The following ZNF292 variants were observed in gnomAD, a reference collection of about 807,000 sequenced individuals.
ZNF292 encodes 16 zinc-finger domain protein.
ZNF292 carries 26 observed loss-of-function variants against 217.9 expected under a neutral mutation model. The observed-to-expected ratio is 0.12, with a 90% CI of 0.09 to 0.17. The LOEUF is 0.17. ZNF292 is among the 10% of genes least tolerant of loss of function. The probability of loss-of-function intolerance (pLI) is 1.00; values close to 1 mark genes in which losing one functional copy is unlikely to be tolerated. For missense variants in ZNF292, 2,904 were observed against 3,175.2 expected (o/e 0.91, Z 2.05); for synonymous variants, 1,257 against 1,124.1 (o/e 1.12, Z -2.37).
At position 87,218,372 on chromosome 6, in the gene ZNF292, C is replaced by A. The variant is rs186346001; in HGVS notation, c.403-224C>A. Among the ~76,000 whole-genome samples, 269 of 152,174 alleles carry A rather than the reference C, an allele frequency of 1.8e-3. 1 individual carries two copies. The highest frequency in any genetic ancestry group is 2.2e-3 in the Non-Finnish European group (150 of 67,978). On this transcript the variant is annotated intron_variant, in intron 3 of 7. Transcript: ENST00000369577. ...GATTTTGGGGAAGAAAAAATACAGA[C>A]TTACTTCTGTAAATACATTATATTT...
chr6:87,189,924 C>T (rs1353275195), intron 1 of ZNF292, among the ~76,000 whole-genome samples: 1 of 152,150 alleles, frequency 6.6e-6, no homozygotes, highest in Non-Finnish European at 1.5e-5. Flanking sequence ...TTTTTCTTCT[C>T]CCACATTATA....
Position 87,255,153 on chromosome 6 carries a change from T to TA in ZNF292, c.1527dup (p.Asp510ArgfsTer4). The TA allele has an allele frequency of 6.2e-7, 1 of 1,613,764 alleles. No homozygotes were observed. Among genetic ancestry groups the TA allele is most frequent in the Non-Finnish European group, 8.5e-7 (1 of 1,179,824 alleles). On this transcript the variant is annotated frameshift_variant, in exon 8 of 8. Transcript: ENST00000369577. LOFTEE classifies it high-confidence loss of function. ...GAGTTGGTGCTAATTCTGGCCTTCT[T>TA]AAAGACATTGGTGATGAAAAGCAGA... is the stretch of plus-strand genomic sequence containing the variant.
In ZNF292 at chr6:87,259,625, C is replaced by G. The variant is rs759606888; in HGVS notation, c.5996C>G (p.Ala1999Gly). The G allele has an allele frequency of 6.3e-7, 1 of 1,582,098 alleles. No individual in the cohort carries two copies. The highest frequency in any genetic ancestry group is 1.3e-5 in the African/African-American group (1 of 74,078). ...AAATCTCAGAGTGAAAATGTGCCGG[C>G]CTCACGAAGTACACAAGTGAAAAAA... is the stretch of plus-strand genomic sequence containing the variant. ...GRKSQSENVP[A>G]SRSTQVKKQL... Residue 1999 changes from alanine to glycine, a missense_variant, in exon 8 of 8, where the codon GCC becomes GGC. Coordinates refer to ENST00000369577, the MANE Select transcript of ZNF292 (RefSeq NM_015021.3).
rs1198608391 is a variant in ZNF292 at position 87,261,397 on chromosome 6, G to A, written c.7768G>A (p.Gly2590Arg). The change falls in exon 8 of 8, where the codon GGA (glycine) becomes AGA (arginine). Residue 2590 changes from glycine to arginine, a missense_variant. Gly to Arg is a moderately radical substitution (Grantham distance 125, BLOSUM62 -2). Coordinates refer to ENST00000369577, the MANE Select transcript of ZNF292 (RefSeq NM_015021.3). ...SFDWSSFKPM[G>R]FEVSFLKFLE... is the part of the protein sequence containing the mutation. The stretch of plus-strand genomic sequence containing the variant: ...TGACTGGAGCTCTTTTAAGCCAATG[G>A]GATTTGAAGTATCATTTCTGAAGTT... 1 of 1,612,202 alleles carries A rather than the reference G, an allele frequency of 6.2e-7. No homozygotes were observed. The highest frequency in any genetic ancestry group is 8.5e-7 in the Non-Finnish European group (1 of 1,179,096).
Position 87,243,608 on chromosome 6 carries a change from C to T in ZNF292, c.875C>T (p.Ala292Val). The change falls in exon 6 of 8, where the codon GCT (alanine) becomes GTT (valine). Residue 292 changes from alanine (A) to valine (V), a missense_variant. Ala to Val is a moderately conservative substitution (Grantham distance 64). Around this residue, in one of 15 missense-constraint regions of ZNF292, gnomAD observed 313 missense variants for 451.0 expected, o/e 0.69. Coordinates refer to ENST00000369577, the MANE Select transcript of ZNF292 (RefSeq NM_015021.3). ...CTCCAACAAGGAGATATGTACTGCG[C>T]TTGGTGAGTTGATCTTTTTTTTTTT... ...RQLQQGDMYCAWELTLFWSKL... is the reference protein window; with the variant it reads ...RQLQQGDMYCVWELTLFWSKL... 6.8e-7 allele frequency: 1 copy of T among 1,473,216 alleles called. No individual in the cohort carries two copies. Among genetic ancestry groups the T allele is most frequent in the Non-Finnish European group, 9.0e-7 (1 of 1,113,434 alleles). 91.3% of individuals were successfully genotyped at this position (1,473,216 alleles called of 1,614,324 possible).
chr6:87,176,991 C>T (rs1018737895), intron 1 of ZNF292, among the ~76,000 whole-genome samples: 3 of 152,038 alleles, frequency 2.0e-5, no homozygotes, highest in Non-Finnish European at 4.4e-5. Flanking sequence ...TGATGCACCG[C>T]CTCCCCCGGC....
intron 1 of ZNF292, among the ~76,000 whole-genome samples, chr6:87,203,934 C>T (rs1279105717): frequency 6.6e-6 from 1 of 152,070 alleles, no homozygotes; most frequent in Non-Finnish European, 1.5e-5. Context: ...AAAGCCTAAG[C>T]AGAGTGAGGA....
At chr6:87,162,731 A>G (rs527894138) in intron 1 of ZNF292, among the ~76,000 whole-genome samples, 127 of 152,338 alleles carry the variant, frequency 8.3e-4, no homozygotes, top group African/African-American at 2.9e-3. Flanking sequence ...TTTATTCTGC[A>G]GCTGTACTTC....
intron 1 of ZNF292, among the ~76,000 whole-genome samples, chr6:87,195,437 T>A (rs1011416121): frequency 1.3e-5 from 2 of 152,216 alleles, no homozygotes; most frequent in African/African-American, 4.8e-5. Context: ...AAATGGACCG[T>A]CCTATCACAT....
At position 87,256,634 on chromosome 6, in the gene ZNF292, A is replaced by C. The variant is rs1379878941; in HGVS notation, c.3005A>C (p.Gln1002Pro). 1 of 1,613,668 alleles carries C rather than the reference A, an allele frequency of 6.2e-7. No homozygotes were observed. The highest frequency in any genetic ancestry group is 1.7e-5 in the Admixed American group (1 of 59,996). ...QDCFNDAHVTQNSLVNSETLK... is the reference protein window; with the variant it reads ...QDCFNDAHVTPNSLVNSETLK... The stretch of plus-strand genomic sequence containing the variant: ...TGCTTTAATGATGCCCATGTTACTC[A>C]GAATTCTTTAGTAAATTCAGAAACT... Residue 1002 changes from glutamine to proline, a missense_variant, in exon 8 of 8, where the codon CAG becomes CCG. Physicochemically the swap from Gln to Pro is moderately conservative, Grantham distance 76. Transcript: ENST00000369577.
chr6:87,249,790 A>G (rs1404893546), intron 7 of ZNF292, among the ~76,000 whole-genome samples: 1 of 151,850 alleles, frequency 6.6e-6, no homozygotes, highest in Non-Finnish European at 1.5e-5. Flanking sequence ...GCTCACTACA[A>G]CCTCCATCTC....
rs1233798544 is a variant in ZNF292 at position 87,233,340 on chromosome 6, C to T, written c.554C>T (p.Ala185Val). 6 of 1,605,592 alleles carry T rather than the reference C, an allele frequency of 3.7e-6. No individual in the cohort carries two copies. The highest frequency in any genetic ancestry group is 2.2e-5 in the East Asian group (1 of 44,626). The change falls in exon 5 of 8, where the codon GCT becomes GTT. Residue 185 changes from alanine (A) to valine (V), a missense_variant. By Grantham distance (64) the Ala-to-Val change is moderately conservative. Around this residue, in one of 15 missense-constraint regions of ZNF292, gnomAD observed 313 missense variants for 451.0 expected, o/e 0.69. Coordinates refer to ENST00000369577, the MANE Select transcript of ZNF292 (RefSeq NM_015021.3). Reference protein sequence around the residue: ...LDKDKVNEFLAFEGPILLDMR... With the variant: ...LDKDKVNEFLVFEGPILLDMR... ...TTTTTTAAAGTGAATGAATTTTTAG[C>T]TTTTGAGGGTCCCATCTTGTTGGAT...
In ZNF292 at chr6:87,155,620, G is replaced by C. The variant is rs1770498163; in HGVS notation, c.29G>C (p.Arg10Thr). 3.2e-6 allele frequency: 5 copies of C among 1,583,916 alleles called. No homozygotes were observed. In the East Asian group the frequency reaches 1.2e-4, roughly 36 times the overall value. The change falls in exon 1 of 8, where the codon AGG (arginine) becomes ACG (threonine). Residue 10 changes from arginine (R) to threonine (T), a missense_variant. By Grantham distance (71) the Arg-to-Thr change is moderately conservative. This residue lies in a region of ZNF292 where 66 missense variants were observed against 44.1 expected (regional missense o/e 1.50). Transcript: ENST00000369577. ...GCGGACGAAGAGGCCGAGCAGGAGA[G>C]GTTGAGTTGCGGCGAAGGCGGCTGC... is the stretch of plus-strand genomic sequence containing the variant. The part of the protein sequence containing the change: MADEEAEQE[R>T]LSCGEGGCVA...
chr6:87,208,488 G>A (rs1340659392), intron 1 of ZNF292, among the ~76,000 whole-genome samples: 1 of 151,598 alleles, frequency 6.6e-6, no homozygotes, highest in Non-Finnish European at 1.5e-5. Flanking sequence ...TTATAACATG[G>A]TGTTTTTGTT....
At chr6:87,241,321 G>T (rs1774273512) in intron 5 of ZNF292, among the ~76,000 whole-genome samples, 2 of 151,840 alleles carry the variant, frequency 1.3e-5, no homozygotes, top group South Asian at 2.1e-4. Flanking sequence ...AAATAAAGTG[G>T]TGGCATCTAC....
At chr6:87,207,113 A>C (rs1772280642) in intron 1 of ZNF292, among the ~76,000 whole-genome samples, 1 of 152,168 alleles carries the variant, frequency 6.6e-6, no homozygotes, top group South Asian at 2.1e-4. Context: ...GCGCATGTGC[A>C]TTTTGCGTAT....
At chr6:87,174,709 G>A (rs6909200) in intron 1 of ZNF292, among the ~76,000 whole-genome samples, 95,260 of 151,904 alleles carry the variant, frequency 0.63, 31,343 homozygotes, top group African/African-American at 0.83. Flanking sequence ...CTTGTCTTAC[G>A]TACTAAGGCC....
At position 87,204,554 on chromosome 6, in the gene ZNF292, A is replaced by ATTTTTTTTTTTT. The variant is rs68087857; in HGVS notation, c.169-11334_169-11323dup. 3.1e-4 allele frequency among the ~76,000 whole-genome samples: 20 copies of ATTTTTTTTTTTT among 63,638 alleles called. 7 individuals carry two copies. The highest frequency in any genetic ancestry group is 9.7e-4 in the African/African-American group (14 of 14,378). 41.7% of individuals were successfully genotyped at this position (63,638 alleles called of 152,430 possible). ...TAGGATTTGGTTGGTAACATTTAGG[A>ATTTTTTTTTTTT]TTTTTTTTTTTTTTTTTTTTTTTTT... On this transcript the variant is annotated intron_variant, in intron 1 of 7. Coordinates refer to ENST00000369577, the MANE Select transcript of ZNF292 (RefSeq NM_015021.3).
chr6:87,206,302 G>A (rs936560766), intron 1 of ZNF292, among the ~76,000 whole-genome samples: 1 of 151,774 alleles, frequency 6.6e-6, no homozygotes, highest in Non-Finnish European at 1.5e-5. Flanking sequence ...AAGGAGAGGT[G>A]AAGAATTCAA....
Sources: allele counts gnomAD v4.1 joint callset (sites outside exome capture counted in the v4.1 genomes callset), GRCh38; gene constraint gnomAD v4.1.1; regional missense constraint gnomAD v4.1.1; transcripts MANE v1.5; gene names NCBI Gene and HGNC (gene_info 2026-07-23, HGNC 2026-07-21).